Variants in CEPT1 observed in about 807,000 individuals in gnomAD.
CEPT1 encodes choline/ethanolamine phosphotransferase 1.
CEPT1 carries 7 observed loss-of-function variants against 42.6 expected under a neutral mutation model. The ratio of observed to expected loss-of-function variants is 0.16; its 90% confidence interval spans 0.09 to 0.31. The LOEUF is 0.31. Ranked by LOEUF, CEPT1 falls within the 10% of genes least tolerant of loss-of-function variation. The pLI is 1.00. For synonymous variants in CEPT1, 171 were observed against 171.9 expected, an observed-to-expected ratio of 0.99 and a Z score of 0.04; for missense variants, 306 against 502.1, an observed-to-expected ratio of 0.61 and a Z score of 3.73.
intron 3 of CEPT1, chr1:111,160,222 A>T (rs1655797570): frequency 6.6e-6 from 1 of 152,216 alleles, no homozygotes. Flanking sequence ...GCAAGTTTTT[A>T]AAATAGTAGT....
intron 2 of CEPT1, 21 bp from the exon 3 acceptor site, chr1:111,159,359 C>CT (rs754247126): frequency 1.9e-6 from 3 of 1,597,316 alleles, no homozygotes; most frequent in Non-Finnish European, 2.6e-6. Flanking sequence ...ATACTCTTGC[C>CT]TTTCTTATTT....
chr1:111,175,693 TA>T (rs1238482729), intron 5 of CEPT1, among the ~76,000 whole-genome samples: 1 of 152,228 alleles, frequency 6.6e-6, no homozygotes, highest in African/African-American at 2.4e-5. Flanking sequence ...TTAAAGGAGT[TA>T]ATATATTGTG....
Position 111,162,542 on chromosome 1 carries a change from T to C in CEPT1, c.629+1246T>C, listed in dbSNP as rs17026993. Among the ~76,000 whole-genome samples, 507 of 152,212 alleles carry C rather than the reference T, an allele frequency of 3.3e-3. 5 individuals carry two copies. The East Asian group carries it at 0.038, about 11-fold the overall frequency. Reference sequence around the variant, plus strand: ...AGAGAGCAGTCTACCCAGAAACATATGTGAGGGATTTTAGACATCCAAATA... The same window carrying C: ...AGAGAGCAGTCTACCCAGAAACATACGTGAGGGATTTTAGACATCCAAATA... On this transcript the variant is annotated intron_variant, in intron 4 of 8. Transcript: ENST00000357172.
At chr1:111,144,889 A>G (rs1440273105) in intron 1 of CEPT1, among the ~76,000 whole-genome samples, 1 of 152,250 alleles carries the variant, frequency 6.6e-6, no homozygotes, top group African/African-American at 2.4e-5. Flanking sequence ...TCTCGTCACC[A>G]GTTATTTAAT....
At chr1:111,168,255 A>C (rs1023274532) in intron 4 of CEPT1, among the ~76,000 whole-genome samples, 1 of 152,178 alleles carries the variant, frequency 6.6e-6, no homozygotes, top group African/African-American at 2.4e-5. Context: ...ATAGTCCAGA[A>C]TCATTCACAC....
At chr1:111,170,702 A>G (rs1373544996) in intron 4 of CEPT1, among the ~76,000 whole-genome samples, 1 of 152,290 alleles carries the variant, frequency 6.6e-6, no homozygotes, top group Admixed American at 6.5e-5. Flanking sequence ...TAGAGCTTCA[A>G]ATCCCTTTAC....
At chr1:111,159,109 T>TTCACCGTTTTTTAGCCGGGATGGTC (rs1655738281) in intron 2 of CEPT1, among the ~76,000 whole-genome samples, 1 of 150,120 alleles carries the variant, frequency 6.7e-6, no homozygotes, top group South Asian at 2.1e-4. Flanking sequence ...GAGACGGGGT[T>TTCACCGTTTTTTAGCCGGGATGGTC]TCACCGTTTT....
At chr1:111,168,045 A>ATT in intron 4 of CEPT1, 1 of 155,256 alleles carries the variant, frequency 6.4e-6, no homozygotes, top group Non-Finnish European at 1.4e-5. Context: ...CTAATTTTAA[A>ATT]TTTTTTTTTT....
At chr1:111,148,101 T>C in intron 2 of CEPT1, 48 bp downstream of exon 2, 3 of 1,431,170 alleles carry the variant, frequency 2.1e-6, no homozygotes, top group Non-Finnish European at 2.9e-6. Flanking sequence ...ACCAAAAACG[T>C]TGTAATTGGG....
chr1:111,170,538 G>A (rs1165572230), intron 4 of CEPT1, among the ~76,000 whole-genome samples: 3 of 152,078 alleles, frequency 2.0e-5, no homozygotes, highest in African/African-American at 7.2e-5. Context: ...TGTCCAGTTT[G>A]TCCCTTATCA....
chr1:111,184,533 G>A lies in CEPT1; in HGVS notation c.*223G>A. 2.8e-6 allele frequency: 1 copy of A among 354,438 alleles called. No individual in the cohort carries two copies. Among genetic ancestry groups the A allele is most frequent in the Non-Finnish European group, 5.1e-6 (1 of 196,356 alleles). 22.0% of individuals were successfully genotyped at this position (354,438 alleles called of 1,614,324 possible). ...TGTTGTCATGCAGGGTTTGGGCCAA[G>A]AAAGCATGCAGAAAAAAATGCCATG... On this transcript the variant is annotated 3_prime_UTR_variant, in exon 9 of 9. Coordinates refer to ENST00000357172, the MANE Select transcript of CEPT1 (RefSeq NM_006090.5).
At chr1:111,176,363 C>T (rs1656676962) in intron 5 of CEPT1, among the ~76,000 whole-genome samples, 1 of 152,020 alleles carries the variant, frequency 6.6e-6, no homozygotes, top group South Asian at 2.1e-4. Flanking sequence ...TTCCTGAAAG[C>T]AGATCATAAA....
chr1:111,182,313 A>T lies in CEPT1; in HGVS notation c.841A>T (p.Ile281Leu). Reference protein sequence around the residue: ...TGGVGKNGSTIAGTSVLSPFL... With the variant: ...TGGVGKNGSTLAGTSVLSPFL... Reference sequence around the variant, plus strand: ...TGGTGTTGGCAAAAATGGATCAACAATAGCAGTAAGTATACCTTAAGATTT... The same window carrying T: ...TGGTGTTGGCAAAAATGGATCAACATTAGCAGTAAGTATACCTTAAGATTT... Residue 281 changes from isoleucine to leucine, a missense_variant, in exon 6 of 9, where the codon ATA becomes TTA. Physicochemically the swap from Ile to Leu is conservative, Grantham distance 5. Coordinates refer to ENST00000357172, the MANE Select transcript of CEPT1 (RefSeq NM_006090.5). The T allele has an allele frequency of 6.2e-7, 1 of 1,612,670 alleles. No individual in the cohort carries two copies. Among genetic ancestry groups the T allele is most frequent in the Non-Finnish European group, 8.5e-7 (1 of 1,179,338 alleles).
chr1:111,150,650 A>T (rs1324786018), intron 2 of CEPT1, among the ~76,000 whole-genome samples: 1 of 152,146 alleles, frequency 6.6e-6, no homozygotes, highest in South Asian at 2.1e-4. Flanking sequence ...CTGATTTTTT[A>T]AAAAATGTAT....
chr1:111,174,318 A>G (rs1656567590), intron 4 of CEPT1, among the ~76,000 whole-genome samples: 1 of 152,052 alleles, frequency 6.6e-6, no homozygotes, highest in Non-Finnish European at 1.5e-5. Context: ...GAAGTCTCAG[A>G]GTAGTTAACC....
At chr1:111,146,073 A>T (rs905747643) in intron 1 of CEPT1, among the ~76,000 whole-genome samples, 13 of 148,470 alleles carry the variant, frequency 8.8e-5, no homozygotes, top group Non-Finnish European at 1.5e-4. Flanking sequence ...TTCTATTAAG[A>T]TTCTTTCTTT....
At chr1:111,160,644 ATTAT>A (rs1346038986) in intron 3 of CEPT1, 1 of 152,716 alleles carries the variant, frequency 6.5e-6, no homozygotes, top group Non-Finnish European at 1.5e-5. Flanking sequence ...CAGGCTTCCT[ATTAT>A]TTATTTTAAA....
rs761145344 is a variant in CEPT1 at position 111,161,322 on chromosome 1, T to C, written c.629+26T>C. 5.1e-6 allele frequency: 8 copies of C among 1,577,802 alleles called. No homozygotes were observed. The Admixed American group carries it at 1.5e-4, about 30-fold the overall frequency. ...GTAAGTAATACTTAATGGTAATTTT[T>C]GTTTTCTCTTTCACATATGGAGAAT... On this transcript the variant is annotated intron_variant, in intron 4 of 8. Coordinates refer to ENST00000357172, the MANE Select transcript of CEPT1 (RefSeq NM_006090.5).
intron 5 of CEPT1, among the ~76,000 whole-genome samples, chr1:111,177,895 C>A (rs930637049): frequency 1.3e-5 from 2 of 152,118 alleles, no homozygotes; most frequent in African/African-American, 4.8e-5. Context: ...CTACTGTTAG[C>A]ATCATTAAAC....
Sources: gnomAD v4.1 joint callset for allele counts (sites outside exome capture counted in the v4.1 genomes callset) on GRCh38, gnomAD v4.1.1 for gene constraint, MANE v1.5 for transcripts, NCBI Gene and HGNC (gene_info 2026-07-23, HGNC 2026-07-21) for gene names.